Variants in OLR1 observed in about 807,000 individuals in gnomAD.
The protein encoded by OLR1 is oxidized low density lipoprotein receptor 1, also known as oxidized low-density lipoprotein receptor 1.
Under a neutral mutation model 31.7 loss-of-function variants are expected in OLR1, and 23 were observed. That is an observed-to-expected ratio of 0.72 (90% CI 0.52 to 1.03). The LOEUF (loss-of-function observed/expected upper bound fraction) is 1.03, where lower values mean the gene tolerates loss of function less well. Ranked by LOEUF, OLR1 falls within the 50% of genes least tolerant of loss-of-function variation. OLR1 has a pLI of 0.00. For synonymous variants in OLR1, 117 were observed against 115.8 expected, an observed-to-expected ratio of 1.01 and a Z score of -0.07; for missense variants, 286 against 315.7, an observed-to-expected ratio of 0.91 and a Z score of 0.71.
In OLR1 at chr12:10,158,830, C is replaced by T. The variant is rs900328681; in HGVS notation, c.*1050G>A. The T allele has an allele frequency of 1.3e-5, 2 of 150,244 alleles. No homozygotes were observed. Among genetic ancestry groups the T allele is most frequent in the African/African-American group, 4.9e-5 (2 of 40,960 alleles). 9.3% of individuals were successfully genotyped at this position (150,244 alleles called of 1,614,324 possible). A position where few individuals can be genotyped will look rare whatever the true frequency, so the allele number is the denominator to read the frequency against. ...AAAAAGATTCCTGCTAGATTGTGTGCAGCAAAATAAAAAGGCTTCCTTTAA... is the reference window on the plus strand; with the variant it reads ...AAAAAGATTCCTGCTAGATTGTGTGTAGCAAAATAAAAAGGCTTCCTTTAA... On this transcript the variant is annotated 3_prime_UTR_variant, in exon 6 of 6. Transcript: ENST00000309539.
upstream of OLR1, chr12:10,172,288 G>T (rs772036549): frequency 1.1e-4 from 53 of 491,072 alleles, no homozygotes; most frequent in Non-Finnish European, 1.5e-4. Flanking sequence ...GGTGGAGAAA[G>T]TGGTGATTCT....
intron 3 of OLR1, among the ~76,000 whole-genome samples, chr12:10,162,173 C>T (rs917245577): frequency 5.3e-5 from 8 of 152,208 alleles, no homozygotes; most frequent in East Asian, 1.9e-4. Context: ...TCATCACTAT[C>T]ATCACCATCA....
chr12:10,175,922 T>C (rs567632997), upstream of OLR1, among the ~76,000 whole-genome samples: 1 of 152,320 alleles, frequency 6.6e-6, no homozygotes, highest in African/African-American at 2.4e-5. Flanking sequence ...AAGTAAGCAA[T>C]TTGTTTGGCT....
At chr12:10,170,532 C>A (rs961486711) in intron 1 of OLR1, 1 of 143,816 alleles carries the variant, frequency 7.0e-6, no homozygotes, top group South Asian at 2.2e-4. Context: ...TTGCTCTTCG[C>A]CCAGGCTGGA....
Position 10,160,915 on chromosome 12 carries a change from C to A in OLR1, c.435G>T (p.Pro145=). ...KRVANCSAPC[P]QDWIWHGENC... ...TTTCTCCATGCCAGATCCAGTCTTG[C>A]GGACAAGGAGCTGGGAAGGATAGTA... is the stretch of plus-strand genomic sequence containing the variant. Residue 145 remains proline, a synonymous_variant, in exon 4 of 6, where the codon CCG becomes CCT. Coordinates refer to ENST00000309539, the MANE Select transcript of OLR1 (RefSeq NM_002543.4). The A allele has an allele frequency of 1.9e-6, 3 of 1,613,934 alleles. No individual in the cohort carries two copies. The highest frequency in any genetic ancestry group is 1.1e-5 in the South Asian group (1 of 91,074).
At chr12:10,168,477 C>A (rs1440287508) in intron 2 of OLR1, among the ~76,000 whole-genome samples, 1 of 152,060 alleles carries the variant, frequency 6.6e-6, no homozygotes, top group Non-Finnish European at 1.5e-5. Flanking sequence ...TAGGCTCTAT[C>A]CATGAGGTTG....
At chr12:10,172,933 A>G (rs1948735581), upstream of OLR1, among the ~76,000 whole-genome samples, 2 of 152,190 alleles carry the variant, frequency 1.3e-5, no homozygotes. Context: ...AAGCTTTTTT[A>G]CACTAGGTTT....
chr12:10,173,847 G>A (rs1251951918), upstream of OLR1, among the ~76,000 whole-genome samples: 2 of 151,440 alleles, frequency 1.3e-5, no homozygotes, highest in African/African-American at 4.9e-5. Flanking sequence ...CAGTGACTCA[G>A]TTATTTTGGA....
chr12:10,160,260 G>T, intron 5 of OLR1, 87 bp downstream of exon 5: 1 of 1,085,582 alleles, frequency 9.2e-7, no homozygotes, highest in Non-Finnish European at 1.4e-6. Flanking sequence ...GAGGACATTG[G>T]TGGGATGCAG....
At chr12:10,164,779 T>C (rs1948647184) in intron 3 of OLR1, among the ~76,000 whole-genome samples, 1 of 152,204 alleles carries the variant, frequency 6.6e-6, no homozygotes, top group South Asian at 2.1e-4. Flanking sequence ...TGTAACAATA[T>C]CAGAGTTCAC....
rs550520331 is a variant in OLR1 at position 10,159,498 on chromosome 12, A to C, written c.*382T>G. On this transcript the variant is annotated 3_prime_UTR_variant, in exon 6 of 6. Coordinates refer to ENST00000309539, the MANE Select transcript of OLR1 (RefSeq NM_002543.4). The stretch of plus-strand genomic sequence containing the variant: ...TTTCCCCTTTTTGCTCTCTGCCTGC[A>C]CTTGAGCAAGTTCTCCATGTTCTGT... 2 of 159,876 alleles carry C rather than the reference A, an allele frequency of 1.3e-5. No individual in the cohort carries two copies. The highest frequency in any genetic ancestry group is 4.8e-5 in the African/African-American group (2 of 41,678). 9.9% of individuals were successfully genotyped at this position (159,876 alleles called of 1,614,324 possible).
upstream of OLR1, among the ~76,000 whole-genome samples, chr12:10,172,789 G>A (rs919498689): frequency 6.6e-6 from 1 of 152,092 alleles, no homozygotes; most frequent in Non-Finnish European, 1.5e-5. Context: ...CTATGTCTTT[G>A]TCTGGAAATT....
Position 10,166,781 on chromosome 12 carries a change from C to T in OLR1, c.355G>A (p.Glu119Lys). Reference sequence around the variant, plus strand: ...TTCTGGTGGTGAAGTTCCATTTGCTCTTTGGATTTCTCATTCAGCTTCCGA... The same window carrying T: ...TTCTGGTGGTGAAGTTCCATTTGCTTTTTGGATTTCTCATTCAGCTTCCGA... ...LARKLNEKSKEQMELHHQNLN... is the reference protein window; with the variant it reads ...LARKLNEKSKKQMELHHQNLN... Residue 119 changes from glutamate to lysine, a missense_variant, in exon 3 of 6, where the codon GAG becomes AAG. Coordinates refer to ENST00000309539, the MANE Select transcript of OLR1 (RefSeq NM_002543.4). The T allele has an allele frequency of 6.2e-7, 1 of 1,613,938 alleles. No homozygotes were observed. The highest frequency in any genetic ancestry group is 8.5e-7 in the Non-Finnish European group (1 of 1,180,006).
At chr12:10,169,957 G>A (rs1234092674) in intron 1 of OLR1, among the ~76,000 whole-genome samples, 1 of 151,562 alleles carries the variant, frequency 6.6e-6, no homozygotes, top group African/African-American at 2.4e-5. Context: ...TACTGGTTGT[G>A]TAGGAAAACA....
rs774385114 is a variant in OLR1, at chr12:10,158,448, A to G, written c.*1432T>C. 6.6e-6 allele frequency: 1 copy of G among 152,242 alleles called. No homozygotes were observed. The highest frequency in any genetic ancestry group is 2.4e-5 in the African/African-American group (1 of 41,466). 9.4% of individuals were successfully genotyped at this position (152,242 alleles called of 1,614,324 possible). On this transcript the variant is annotated 3_prime_UTR_variant, in exon 6 of 6. Transcript: ENST00000309539. ...TTTAAAAGAATGAATTCATACGAGC[A>G]TCAAGATGGAGACATATGAATCTCA...
At chr12:10,165,416 C>T (rs1479723185) in intron 3 of OLR1, among the ~76,000 whole-genome samples, 2 of 148,482 alleles carry the variant, frequency 1.3e-5, no homozygotes, top group African/African-American at 5.0e-5. Context: ...GGCGACAGAG[C>T]GAGACTCCAT....
intron 1 of OLR1, among the ~76,000 whole-genome samples, chr12:10,169,452 A>G (rs945825988): frequency 6.6e-6 from 1 of 152,192 alleles, no homozygotes; most frequent in African/African-American, 2.4e-5. Flanking sequence ...GATACCAGAT[A>G]TTTGAATCTA....
chr12:10,173,464 TGTGCA>T (rs1284244719), upstream of OLR1, among the ~76,000 whole-genome samples: 2 of 152,126 alleles, frequency 1.3e-5, no homozygotes, highest in Admixed American at 6.6e-5. Flanking sequence ...CCTTTTATTA[TGTGCA>T]GAGTATTTGA....
upstream of OLR1, chr12:10,172,199 T>C: frequency 1.5e-6 from 1 of 671,414 alleles, no homozygotes; most frequent in African/African-American, 1.8e-5. Flanking sequence ...AATGACTCAA[T>C]CATTGGTAGG....
Sources: allele counts gnomAD v4.1 joint callset (sites outside exome capture counted in the v4.1 genomes callset), GRCh38; gene constraint gnomAD v4.1.1; transcripts MANE v1.5; gene names NCBI Gene and HGNC (gene_info 2026-07-23, HGNC 2026-07-21).